SLC9C1: variants seen among roughly 807,000 people sequenced by gnomAD.
SLC9C1 encodes sodium/hydrogen exchanger 10.
In SLC9C1, 97 loss-of-function variants were observed where a neutral mutation model predicts 140.9. That is an observed-to-expected ratio of 0.69 (90% confidence interval 0.58 to 0.82). SLC9C1 has a LOEUF of 0.82. SLC9C1 is among the 40% of genes least tolerant of loss of function. The pLI, the probability that SLC9C1 is intolerant of heterozygous loss-of-function variation, is 0.00. For missense variants in SLC9C1, 1,340 were observed against 1,389.3 expected (o/e 0.96, Z 0.56); for synonymous variants, 440 against 442.6 (o/e 0.99, Z 0.07).
At position 112,231,388 on chromosome 3, in the gene SLC9C1, G is replaced by A; in HGVS notation, c.1545C>T (p.Ala515=). 26 of 1,613,358 alleles carry A rather than the reference G, an allele frequency of 1.6e-5. No individual in the cohort carries two copies. The highest frequency in any genetic ancestry group is 2.2e-5 in the Non-Finnish European group (26 of 1,179,658). Residue 515 remains alanine, a synonymous_variant, in exon 13 of 29, where the codon GCC becomes GCT. Transcript: ENST00000305815. ...TTTGTGCTGACAAGAGACGCCTGTT[G>A]GCCAGCTCCATTGCTTCAGTGTTAA... ...EIFNTEAMEL[A]NRRLLSAQIA...
At chr3:112,211,517 A>G (rs1191396340) in intron 15 of SLC9C1, among the ~76,000 whole-genome samples, 1 of 152,188 alleles carries the variant, frequency 6.6e-6, no homozygotes, top group African/African-American at 2.4e-5. Flanking sequence ...CTAATACTGC[A>G]CTTTTCCAAT....
chr3:112,287,692 A>G (rs1256886197), intron 1 of SLC9C1, among the ~76,000 whole-genome samples: 1 of 152,190 alleles, frequency 6.6e-6, no homozygotes, highest in East Asian at 1.9e-4. Flanking sequence ...ATCTCTCATA[A>G]TGGTAGCTTG....
intron 17 of SLC9C1, among the ~76,000 whole-genome samples, chr3:112,203,929 T>C (rs984024055): frequency 6.6e-6 from 1 of 151,968 alleles, no homozygotes; most frequent in African/African-American, 2.4e-5. Flanking sequence ...TACATGGAGG[T>C]TAACTTACAC....
chr3:112,170,598 T>G (rs2077227788), intron 23 of SLC9C1, among the ~76,000 whole-genome samples: 1 of 152,200 alleles, frequency 6.6e-6, no homozygotes, highest in Non-Finnish European at 1.5e-5. Flanking sequence ...TAACAATTAT[T>G]TGACCTTTTT....
In SLC9C1 at chr3:112,274,887, AT is replaced by A. The variant is rs751497906; in HGVS notation, c.613+9del. On this transcript the variant is annotated intron_variant, in intron 6 of 28. Transcript: ENST00000305815. Reference sequence around the variant, plus strand: ...TGATGTTGAGAAAAATTTTTTAAAAATATACTTACCTAAGGTATGGTTTCTT... The same window carrying A: ...TGATGTTGAGAAAAATTTTTTAAAAAATACTTACCTAAGGTATGGTTTCTT... The A allele has an allele frequency of 1.2e-5, 18 of 1,534,354 alleles. No individual in the cohort carries two copies. Among genetic ancestry groups the A allele is most frequent in the South Asian group, 2.6e-5 (2 of 77,276 alleles).
chr3:112,234,490 C>G (rs994690318), intron 12 of SLC9C1, among the ~76,000 whole-genome samples: 1 of 152,118 alleles, frequency 6.6e-6, no homozygotes. Context: ...AATTAGATCC[C>G]ATTTGTCAAT....
chr3:112,282,959 C>T (rs903291145), intron 2 of SLC9C1, among the ~76,000 whole-genome samples: 2 of 152,112 alleles, frequency 1.3e-5, no homozygotes, highest in Non-Finnish European at 1.5e-5. Flanking sequence ...AAAATTGATA[C>T]AAATTTTGTT....
chr3:112,267,580 A>G (rs112487542), intron 7 of SLC9C1, among the ~76,000 whole-genome samples: 1 of 148,200 alleles, frequency 6.7e-6, no homozygotes. Context: ...CGTCTCAAAA[A>G]AAAAAAAAAA....
intron 15 of SLC9C1, among the ~76,000 whole-genome samples, chr3:112,216,858 T>G (rs2078387689): frequency 6.6e-6 from 1 of 152,170 alleles, no homozygotes; most frequent in Admixed American, 6.5e-5. Context: ...TTACTGGGTA[T>G]ATACCCAAAG....
intron 1 of SLC9C1, among the ~76,000 whole-genome samples, chr3:112,291,912 A>G (rs1172635498): frequency 1.5e-4 from 23 of 152,252 alleles, no homozygotes; most frequent in Non-Finnish European, 1.6e-4. Flanking sequence ...TGTGGCACAT[A>G]TACACCATGA....
At position 112,141,263 on chromosome 3, in the gene SLC9C1, T is replaced by C. The variant is rs777442651; in HGVS notation, c.*9A>G. ...AGCATTAATACATGCTTCGGTCTTC[T>C]TAACAGTCTTACTCTTTCCTAATAG... On this transcript the variant is annotated 3_prime_UTR_variant, in exon 29 of 29. Transcript: ENST00000305815. 16 of 1,581,126 alleles carry C rather than the reference T, an allele frequency of 1.0e-5. No homozygotes were observed. Among genetic ancestry groups the C allele is most frequent in the Non-Finnish European group, 1.4e-5 (16 of 1,165,714 alleles).
At chr3:112,163,186 C>T (rs1433633301) in intron 26 of SLC9C1, among the ~76,000 whole-genome samples, 9 of 146,970 alleles carry the variant, frequency 6.1e-5, no homozygotes, top group East Asian at 4.0e-4. Context: ...GTCTTGCTAG[C>T]GGTCTATCTA....
chr3:112,233,565 T>C (rs1401103037), intron 12 of SLC9C1, among the ~76,000 whole-genome samples: 1 of 152,074 alleles, frequency 6.6e-6, no homozygotes, highest in Non-Finnish European at 1.5e-5. Flanking sequence ...ATGTGCCATG[T>C]TGGTGTGCTG....
chr3:112,251,959 T>G (rs539476488), intron 10 of SLC9C1, among the ~76,000 whole-genome samples: 36 of 152,308 alleles, frequency 2.4e-4, no homozygotes, highest in African/African-American at 8.2e-4. Flanking sequence ...GCTGCCACTT[T>G]TGCTGGGAAG....
intron 18 of SLC9C1, among the ~76,000 whole-genome samples, chr3:112,201,464 C>T (rs1266605154): frequency 6.6e-6 from 1 of 151,974 alleles, no homozygotes; most frequent in East Asian, 1.9e-4. Flanking sequence ...TGTTCTACCA[C>T]ATATTGAATG....
intron 12 of SLC9C1, among the ~76,000 whole-genome samples, chr3:112,233,486 C>A (rs2078891008): frequency 6.6e-6 from 1 of 151,926 alleles, no homozygotes; most frequent in Admixed American, 6.6e-5. Flanking sequence ...TTTCTTGATT[C>A]TTTTTTTCAT....
chr3:112,153,004 T>C (rs1305003999), intron 27 of SLC9C1, among the ~76,000 whole-genome samples: 1 of 152,176 alleles, frequency 6.6e-6, no homozygotes, highest in Non-Finnish European at 1.5e-5. Flanking sequence ...CCCCACACCT[T>C]TGGTGGACTT....
intron 12 of SLC9C1, among the ~76,000 whole-genome samples, chr3:112,233,279 T>C (rs2078883696): frequency 6.6e-6 from 1 of 151,902 alleles, no homozygotes; most frequent in Non-Finnish European, 1.5e-5. Context: ...TGTTGCCAGG[T>C]TCGTCTCAAA....
chr3:112,209,938 T>C (rs2078156876), intron 15 of SLC9C1, among the ~76,000 whole-genome samples: 1 of 152,172 alleles, frequency 6.6e-6, no homozygotes, highest in Admixed American at 6.5e-5. Flanking sequence ...TTAAATCCTA[T>C]AAAAATCTTG....
Sources: allele counts gnomAD v4.1 joint callset (sites outside exome capture counted in the v4.1 genomes callset), GRCh38; gene constraint gnomAD v4.1.1; transcripts MANE v1.5; gene names NCBI Gene and HGNC (gene_info 2026-07-23, HGNC 2026-07-21).